RCAN2: variants seen among roughly 807,000 people sequenced by gnomAD.
RCAN2 encodes the protein regulator of calcineurin 2.
Under a neutral mutation model 23.6 loss-of-function variants are expected in RCAN2, and 9 were observed. The observed-to-expected ratio is 0.38, with a 90% CI of 0.23 to 0.67. The LOEUF (loss-of-function observed/expected upper bound fraction) is 0.67, where lower values mean the gene tolerates loss of function less well. Ranked by LOEUF, RCAN2 falls within the 30% of genes least tolerant of loss-of-function variation. The pLI is 0.51. For synonymous variants in RCAN2, 109 were observed against 115.7 expected, an observed-to-expected ratio of 0.94 and a Z score of 0.37; for missense variants, 273 against 302.3, an observed-to-expected ratio of 0.90 and a Z score of 0.72.
chr6:46,393,526 G>C (rs1765996796), intron 2 of RCAN2, among the ~76,000 whole-genome samples: 1 of 152,160 alleles, frequency 6.6e-6, no homozygotes, highest in Non-Finnish European at 1.5e-5. Flanking sequence ...AATGATGTCA[G>C]TACATACCAT....
At chr6:46,325,816 C>A in intron 2 of RCAN2, 2 of 1,045,830 alleles carry the variant, frequency 1.9e-6, no homozygotes, top group Non-Finnish European at 2.3e-6. Context: ...TGAACTCAGA[C>A]TAAATCAATT....
intron 2 of RCAN2, among the ~76,000 whole-genome samples, chr6:46,453,877 A>G (rs1158275801): frequency 6.6e-6 from 1 of 152,236 alleles, no homozygotes; most frequent in Non-Finnish European, 1.5e-5. Flanking sequence ...GCCAAAAAAG[A>G]AAAGACTCTG....
chr6:46,338,015 C>T (rs573607134), intron 2 of RCAN2, among the ~76,000 whole-genome samples: 2 of 152,278 alleles, frequency 1.3e-5, no homozygotes, highest in African/African-American at 4.8e-5. Context: ...AAGTAAAAAT[C>T]TAGATTAGGA....
At chr6:46,425,168 A>G (rs555409293) in intron 2 of RCAN2, among the ~76,000 whole-genome samples, 6 of 152,292 alleles carry the variant, frequency 3.9e-5, no homozygotes, top group African/African-American at 1.4e-4. Context: ...GGTCTTAGAG[A>G]TCCATTATGC....
intron 2 of RCAN2, among the ~76,000 whole-genome samples, chr6:46,274,691 T>C (rs1048342671): frequency 6.6e-6 from 1 of 152,210 alleles, no homozygotes; most frequent in Non-Finnish European, 1.5e-5. Context: ...CCCTCTCCCA[T>C]GTCCTATGTT....
At chr6:46,331,083 G>A (rs1219851178) in intron 2 of RCAN2, among the ~76,000 whole-genome samples, 2 of 152,294 alleles carry the variant, frequency 1.3e-5, no homozygotes, top group South Asian at 2.1e-4. Context: ...TTTATTCATG[G>A]AACACTTCCA....
chr6:46,325,784 G>T (rs907022638), intron 2 of RCAN2: 42 of 1,113,496 alleles, frequency 3.8e-5, no homozygotes, highest in Non-Finnish European at 3.6e-5. Flanking sequence ...GGAGCAAATT[G>T]AACATGATTA....
intron 2 of RCAN2, among the ~76,000 whole-genome samples, chr6:46,304,735 T>C (rs538299918): frequency 6.6e-6 from 1 of 152,030 alleles, no homozygotes; most frequent in Non-Finnish European, 1.5e-5. Context: ...AATCAAGGAC[T>C]TACAATTGGG....
chr6:46,280,324 C>T (rs895343739), intron 2 of RCAN2, among the ~76,000 whole-genome samples: 1 of 152,054 alleles, frequency 6.6e-6, no homozygotes, highest in African/African-American at 2.4e-5. Flanking sequence ...AAAATGAGAA[C>T]AGAAAAGTAT....
At chr6:46,422,841 C>T (rs979052756) in intron 2 of RCAN2, among the ~76,000 whole-genome samples, 1 of 152,186 alleles carries the variant, frequency 6.6e-6, no homozygotes, top group African/African-American at 2.4e-5. Context: ...AATTTTAAAA[C>T]ATGATGAATA....
intron 2 of RCAN2, among the ~76,000 whole-genome samples, chr6:46,452,716 G>C (rs969418951): frequency 6.6e-6 from 1 of 152,160 alleles, no homozygotes; most frequent in Admixed American, 6.6e-5. Context: ...AAGGACTCAT[G>C]TTTATAAAGC....
intron 2 of RCAN2, among the ~76,000 whole-genome samples, chr6:46,268,619 T>C (rs1356359393): frequency 1.3e-5 from 2 of 152,232 alleles, no homozygotes; most frequent in Non-Finnish European, 2.9e-5. Context: ...ACTGGCCAAA[T>C]ACGTGTGTAT....
intron 2 of RCAN2, among the ~76,000 whole-genome samples, chr6:46,358,885 G>T (rs968410546): frequency 3.9e-5 from 6 of 152,154 alleles, no homozygotes; most frequent in African/African-American, 1.4e-4. Flanking sequence ...GTTTAAAGCT[G>T]CCAGGTGATT....
intron 1 of RCAN2, among the ~76,000 whole-genome samples, chr6:46,460,669 C>T (rs1768179634): frequency 2.0e-5 from 3 of 152,142 alleles, no homozygotes; most frequent in Admixed American, 2.0e-4. Context: ...TATCTCAATC[C>T]AGATTGGTAT....
At chr6:46,277,757 A>C (rs1030599009) in intron 2 of RCAN2, among the ~76,000 whole-genome samples, 2 of 151,948 alleles carry the variant, frequency 1.3e-5, no homozygotes, top group African/African-American at 2.4e-5. Context: ...GAGTGCTTTA[A>C]AGGGTTTTAC....
At chr6:46,415,254 A>C (rs954632667) in intron 2 of RCAN2, among the ~76,000 whole-genome samples, 1 of 152,206 alleles carries the variant, frequency 6.6e-6, no homozygotes, top group Non-Finnish European at 1.5e-5. Flanking sequence ...AGCTGTAGGA[A>C]CGGATTAAGG....
At chr6:46,428,753 T>A (rs577719549) in intron 2 of RCAN2, among the ~76,000 whole-genome samples, 3 of 152,324 alleles carry the variant, frequency 2.0e-5, no homozygotes, top group South Asian at 4.1e-4. Flanking sequence ...CTTGTTTTTT[T>A]AATATATTCT....
At chr6:46,331,219 C>T (rs574278077) in intron 2 of RCAN2, among the ~76,000 whole-genome samples, 55 of 152,156 alleles carry the variant, frequency 3.6e-4, no homozygotes, top group African/African-American at 1.0e-3. Flanking sequence ...ATATGTTGCC[C>T]AGGCTGGTCT....
intron 1 of RCAN2, among the ~76,000 whole-genome samples, chr6:46,470,358 A>G (rs567902603): frequency 5.1e-4 from 77 of 152,316 alleles, no homozygotes; most frequent in African/African-American, 1.7e-3. Flanking sequence ...CATATATATA[A>G]AACTGGATAA....
Sources: gnomAD v4.1 joint callset for allele counts (sites outside exome capture counted in the v4.1 genomes callset) on GRCh38, gnomAD v4.1.1 for gene constraint, MANE v1.5 for transcripts, NCBI Gene and HGNC (gene_info 2026-07-23, HGNC 2026-07-21) for gene names.